Variants in GSX2 observed in about 807,000 individuals in gnomAD.
GSX2 encodes the protein GS homeobox 2.
In GSX2, 16 loss-of-function variants were observed where a neutral mutation model predicts 19.2. The observed-to-expected ratio is 0.84, with a 90% CI of 0.57 to 1.27. The LOEUF (loss-of-function observed/expected upper bound fraction) is 1.27. Ranked by LOEUF, GSX2 falls within the 50% of genes most tolerant of loss-of-function variation. GSX2 has a pLI of 0.00. For missense variants in GSX2, 448 were observed against 428.4 expected (o/e 1.05, Z -0.40); for synonymous variants, 217 against 196.4 (o/e 1.10, Z -0.88).
At position 54,100,765 on chromosome 4, in the gene GSX2, C is replaced by G. The variant is rs1269608937; in HGVS notation, c.421C>G (p.Pro141Ala). The part of the protein sequence containing the change: ...PPQHHHHHHQ[P>A]QQPGSAAAAA... The stretch of plus-strand genomic sequence containing the variant: ...GCAGCACCACCATCACCATCATCAG[C>G]CCCAGCAGCCTGGCTCGGCCGCGGC... The change falls in exon 1 of 2, where the codon CCC becomes GCC. Residue 141 changes from proline (P) to alanine (A), a missense_variant. Physicochemically the swap from Pro to Ala is conservative, Grantham distance 27. Transcript: ENST00000326902. The G allele has an allele frequency of 1.3e-6, 2 of 1,514,694 alleles. No individual in the cohort carries two copies. Among genetic ancestry groups the G allele is most frequent in the East Asian group, 2.7e-5 (1 of 36,456 alleles). 93.8% of individuals were successfully genotyped at this position (1,514,694 alleles called of 1,614,324 possible). A position where few individuals can be genotyped will look rare whatever the true frequency, so the allele number is the denominator to read the frequency against.
rs1387807279 is a variant in GSX2, at chr4:54,101,732, C to T, written c.725C>T (p.Ser242Leu). The T allele has an allele frequency of 6.2e-7, 1 of 1,614,188 alleles. No homozygotes were observed. The highest frequency in any genetic ancestry group is 2.2e-5 in the East Asian group (1 of 44,876). ...GAAATCGCCACTTACCTGAACCTGT[C>T]GGAGAAGCAGGTGAAAATCTGGTTT... The part of the protein sequence containing the change: ...RIEIATYLNL[S>L]EKQVKIWFQN... The change falls in exon 2 of 2, where the codon TCG becomes TTG. Residue 242 changes from serine (S) to leucine (L), a missense_variant. By Grantham distance (145) the Ser-to-Leu change is moderately radical (BLOSUM62 -2). Coordinates refer to ENST00000326902, the MANE Select transcript of GSX2 (RefSeq NM_133267.3). The surrounding 1 kb of genome is among the most constrained non-coding windows in gnomAD (Gnocchi z 5.0).
rs1718177879 is a variant in GSX2 at position 54,101,659 on chromosome 4, G to A, written c.652G>A (p.Glu218Lys). The A allele has an allele frequency of 1.2e-6, 2 of 1,613,894 alleles. No individual in the cohort carries two copies. Among genetic ancestry groups the A allele is most frequent in the African/African-American group, 1.3e-5 (1 of 75,034 alleles). Residue 218 changes from glutamate (E) to lysine (K), a missense_variant, in exon 2 of 2, where the codon GAG becomes AAG. Physicochemically the swap from Glu to Lys is moderately conservative, Grantham distance 56. Coordinates refer to ENST00000326902, the MANE Select transcript of GSX2 (RefSeq NM_133267.3). The surrounding 1 kb of genome is among the most constrained non-coding windows in gnomAD (Gnocchi z 5.0). ...CACTAGCACGCAACTCCTGGAGCTG[G>A]AGAGAGAATTCTCTTCCAACATGTA... ...AFTSTQLLEL[E>K]REFSSNMYLS...
Position 54,100,751 on chromosome 4 carries a change from A to C in GSX2, c.407A>C (p.His136Pro). The change falls in exon 1 of 2, where the codon CAT (histidine) becomes CCT (proline). Residue 136 changes from histidine to proline, a missense_variant. Coordinates refer to ENST00000326902, the MANE Select transcript of GSX2 (RefSeq NM_133267.3). ...CACCACCACCCGCCGCAGCACCACCATCACCATCATCAGCCCCAGCAGCCT... is the reference window on the plus strand; with the variant it reads ...CACCACCACCCGCCGCAGCACCACCCTCACCATCATCAGCCCCAGCAGCCT... ...HHHHHPPQHH[H>P]HHHQPQQPGS... The C allele has an allele frequency of 5.9e-6, 9 of 1,534,214 alleles. No homozygotes were observed. Among genetic ancestry groups the C allele is most frequent in the East Asian group, 2.6e-5 (1 of 38,950 alleles).
Position 54,102,149 on chromosome 4 carries a change from A to G in GSX2, c.*227A>G. On this transcript the variant is annotated 3_prime_UTR_variant, in exon 2 of 2. Transcript: ENST00000326902. ...AGTTACAGATTTTTTTAAAAAATGT[A>G]AATAACCTATAATTCAACTCATTCT... The G allele has an allele frequency of 1.8e-6, 1 of 547,562 alleles. No individual in the cohort carries two copies. Among genetic ancestry groups the G allele is most frequent in the Non-Finnish European group, 3.2e-6 (1 of 311,232 alleles). 33.9% of individuals were successfully genotyped at this position (547,562 alleles called of 1,614,324 possible). A position where few individuals can be genotyped will look rare whatever the true frequency, so the allele number is the denominator to read the frequency against.
In GSX2 at chr4:54,102,381, T is replaced by C. The variant is rs1181603317; in HGVS notation, c.*459T>C. On this transcript the variant is annotated 3_prime_UTR_variant, in exon 2 of 2. Transcript: ENST00000326902. ...ATTAGACCTTGTAGGTCTTGCTTTCTGAAATTTCGCCTGGGGAGAATTTAA... is the reference window on the plus strand; with the variant it reads ...ATTAGACCTTGTAGGTCTTGCTTTCCGAAATTTCGCCTGGGGAGAATTTAA... 2.0e-5 allele frequency: 3 copies of C among 152,690 alleles called. No individual in the cohort carries two copies. Among genetic ancestry groups the C allele is most frequent in the Non-Finnish European group, 4.4e-5 (3 of 68,408 alleles). The allele number at this position is 152,690 out of a possible 1,614,324, so 9.5% of individuals were successfully genotyped here. A position where few individuals can be genotyped will look rare whatever the true frequency, so the allele number is the denominator to read the frequency against.
chr4:54,100,960 C>T (rs1013782692), intron 1 of GSX2, 42 bp downstream of exon 1: 8 of 1,504,876 alleles, frequency 5.3e-6, no homozygotes, highest in East Asian at 2.5e-5. Context: ...GCGCCTTTCG[C>T]GCTCCTGGAG....
Position 54,101,187 on chromosome 4 carries a change from A to T in GSX2, c.574+269A>T, listed in dbSNP as rs181238037. Among the ~76,000 whole-genome samples the T allele has an allele frequency of 3.7e-4, 57 of 152,256 alleles. No homozygotes were observed. The highest frequency in any genetic ancestry group is 1.2e-3 in the African/African-American group (50 of 41,558). On this transcript the variant is annotated intron_variant, in intron 1 of 1. Coordinates refer to ENST00000326902, the MANE Select transcript of GSX2 (RefSeq NM_133267.3). The surrounding 1 kb of genome is among the most constrained non-coding windows in gnomAD (Gnocchi z 5.0). ...TGGGGCCTTAGGGACCTCGAACGTC[A>T]CGGCGGATAAACCAGAGGTTAACTG...
chr4:54,102,441 T>C lies in GSX2; in HGVS notation c.*519T>C, dbSNP rs1202131281. On this transcript the variant is annotated 3_prime_UTR_variant, in exon 2 of 2. Transcript: ENST00000326902. ...CGCTGGAAGTCCCTTTGTATGTGAA[T>C]AGGTTTATATAAAATTTATATTTAT... is the stretch of plus-strand genomic sequence containing the variant. The C allele has an allele frequency of 6.6e-6, 1 of 152,034 alleles. No individual in the cohort carries two copies. Among genetic ancestry groups the C allele is most frequent in the Non-Finnish European group, 1.5e-5 (1 of 68,014 alleles). The allele number at this position is 152,034 out of a possible 1,614,324, so 9.4% of individuals were successfully genotyped here. A position where few individuals can be genotyped will look rare whatever the true frequency, so the allele number is the denominator to read the frequency against.
Position 54,100,340 on chromosome 4 carries a change from T to C in GSX2, c.-5T>C, listed in dbSNP as rs1264555527. On this transcript the variant is annotated 5_prime_UTR_variant, in exon 1 of 2. Transcript: ENST00000326902. ...CGGGGCTTCCAGCCACCCACCCCTC[T>C]CGACATGTCGCGCTCCTTCTATGTC... is the stretch of plus-strand genomic sequence containing the variant. The C allele has an allele frequency of 2.5e-6, 4 of 1,612,726 alleles. No homozygotes were observed. The highest frequency in any genetic ancestry group is 1.7e-5 in the Admixed American group (1 of 59,978).
chr4:54,101,661 G>A lies in GSX2; in HGVS notation c.654G>A (p.Glu218=). The A allele has an allele frequency of 1.1e-5, 18 of 1,614,110 alleles. No individual in the cohort carries two copies. Among genetic ancestry groups the A allele is most frequent in the Non-Finnish European group, 1.4e-5 (17 of 1,179,934 alleles). ...AFTSTQLLEL[E]REFSSNMYLS... The stretch of plus-strand genomic sequence containing the variant: ...CTAGCACGCAACTCCTGGAGCTGGA[G>A]AGAGAATTCTCTTCCAACATGTACC... The change falls in exon 2 of 2, where the codon GAG becomes GAA. Residue 218 remains glutamate, a synonymous_variant. Coordinates refer to ENST00000326902, the MANE Select transcript of GSX2 (RefSeq NM_133267.3). This position sits in a 1 kb window ranked among gnomAD's most constrained non-coding sequence, Gnocchi z 5.0.
chr4:54,101,967 C>T lies in GSX2; in HGVS notation c.*45C>T. On this transcript the variant is annotated 3_prime_UTR_variant, in exon 2 of 2. Coordinates refer to ENST00000326902, the MANE Select transcript of GSX2 (RefSeq NM_133267.3). The surrounding 1 kb of genome is among the most constrained non-coding windows in gnomAD (Gnocchi z 5.0). ...CATCCCCCGCTCCTGGCAGACCAGGCAACGCCAAGGCGTGGGGCACCCAGG... is the reference window on the plus strand; with the variant it reads ...CATCCCCCGCTCCTGGCAGACCAGGTAACGCCAAGGCGTGGGGCACCCAGG... The T allele has an allele frequency of 3.4e-6, 5 of 1,468,022 alleles. No individual in the cohort carries two copies. The highest frequency in any genetic ancestry group is 3.7e-6 in the Non-Finnish European group (4 of 1,091,004). 90.9% of individuals were successfully genotyped at this position (1,468,022 alleles called of 1,614,324 possible).
At position 54,101,009 on chromosome 4, in the gene GSX2, G is replaced by A. The variant is rs1175924619; in HGVS notation, c.574+91G>A. 1.8e-6 allele frequency: 2 copies of A among 1,138,774 alleles called. No individual in the cohort carries two copies. The highest frequency in any genetic ancestry group is 2.4e-6 in the Non-Finnish European group (2 of 824,046). The allele number at this position is 1,138,774 out of a possible 1,614,324, so 70.5% of individuals were successfully genotyped here. A position where few individuals can be genotyped will look rare whatever the true frequency, so the allele number is the denominator to read the frequency against. ...TCCAGTGGAGGAAGTGGGAGCCCGG[G>A]GACAGGGTGAAGAGAGAGGACGGGC... is the stretch of plus-strand genomic sequence containing the variant. On this transcript the variant is annotated intron_variant, in intron 1 of 1. Coordinates refer to ENST00000326902, the MANE Select transcript of GSX2 (RefSeq NM_133267.3). The surrounding 1 kb of genome is among the most constrained non-coding windows in gnomAD (Gnocchi z 5.0).
In GSX2 at chr4:54,101,993, G is replaced by A; in HGVS notation, c.*71G>A. The stretch of plus-strand genomic sequence containing the variant: ...AACGCCAAGGCGTGGGGCACCCAGG[G>A]GCCAGAATCCTTGCTCATTGCAGTG... On this transcript the variant is annotated 3_prime_UTR_variant, in exon 2 of 2. Coordinates refer to ENST00000326902, the MANE Select transcript of GSX2 (RefSeq NM_133267.3). This position sits in a 1 kb window ranked among gnomAD's most constrained non-coding sequence, Gnocchi z 5.0. 1 of 1,304,356 alleles carries A rather than the reference G, an allele frequency of 7.7e-7. No individual in the cohort carries two copies. Among genetic ancestry groups the A allele is most frequent in the African/African-American group, 1.5e-5 (1 of 67,148 alleles). 80.8% of individuals were successfully genotyped at this position (1,304,356 alleles called of 1,614,324 possible). A position where few individuals can be genotyped will look rare whatever the true frequency, so the allele number is the denominator to read the frequency against.
chr4:54,100,909 C>T lies in GSX2; in HGVS notation c.565C>T (p.Leu189Phe), dbSNP rs550634793. The T allele has an allele frequency of 5.7e-6, 9 of 1,565,912 alleles. No individual in the cohort carries two copies. The highest frequency in any genetic ancestry group is 4.6e-5 in the South Asian group (4 of 86,896). The change falls in exon 1 of 2, where the codon CTC becomes TTC. Residue 189 changes from leucine (L) to phenylalanine (F), a missense_variant. Physicochemically the swap from Leu to Phe is conservative, Grantham distance 22. Transcript: ENST00000326902. ...NVADPRRFHC[L>F]TMGGSDASQV... ...GGCGGACCCGCGGAGATTCCACTGC[C>T]TCACCATGGGTAGGGCGGGGTCTTG... is the stretch of plus-strand genomic sequence containing the variant.
At position 54,100,718 on chromosome 4, in the gene GSX2, C is replaced by A. The variant is rs1342141283; in HGVS notation, c.374C>A (p.Ala125Glu). The change falls in exon 1 of 2, where the codon GCG (alanine) becomes GAG (glutamate). Residue 125 changes from alanine (A) to glutamate (E), a missense_variant. Physicochemically the swap from Ala to Glu is moderately radical, Grantham distance 107 (BLOSUM62 -1). Transcript: ENST00000326902. ...DAQFCPRVNH[A>E]HHHHHPPQHH... ...CAGTTTTGCCCGCGGGTGAACCATG[C>A]GCATCATCACCACCACCCGCCGCAG... The A allele has an allele frequency of 7.1e-6, 11 of 1,548,332 alleles. No homozygotes were observed. The highest frequency in any genetic ancestry group is 1.2e-5 in the South Asian group (1 of 84,000).
Position 54,100,987 on chromosome 4 carries a change from A to C in GSX2, c.574+69A>C, listed in dbSNP as rs929238744. On this transcript the variant is annotated intron_variant, in intron 1 of 1. Transcript: ENST00000326902. ...CTCCTGGAGCAAACTTTCCACCTCCAGTGGAGGAAGTGGGAGCCCGGGGAC... is the reference window on the plus strand; with the variant it reads ...CTCCTGGAGCAAACTTTCCACCTCCCGTGGAGGAAGTGGGAGCCCGGGGAC... 54 of 1,323,678 alleles carry C rather than the reference A, an allele frequency of 4.1e-5. No homozygotes were observed. The East Asian group carries it at 1.4e-3, about 34-fold the overall frequency. 82.0% of individuals were successfully genotyped at this position (1,323,678 alleles called of 1,614,324 possible). A position where few individuals can be genotyped will look rare whatever the true frequency, so the allele number is the denominator to read the frequency against.
Position 54,100,479 on chromosome 4 carries a change from G to A in GSX2, c.135G>A (p.Val45=). The A allele has an allele frequency of 1.2e-6, 2 of 1,613,778 alleles. No homozygotes were observed. The highest frequency in any genetic ancestry group is 1.7e-6 in the Non-Finnish European group (2 of 1,179,940). Residue 45 remains valine, a synonymous_variant, in exon 1 of 2, where the codon GTG becomes GTA. Coordinates refer to ENST00000326902, the MANE Select transcript of GSX2 (RefSeq NM_133267.3). ...LGMPPPLVMS[V]SGPGCPSRKS... ...TGCCGCCCCCATTGGTGATGTCCGT[G>A]TCCGGCCCCGGCTGCCCGTCCCGCA...
At position 54,101,557 on chromosome 4, in the gene GSX2, C is replaced by T. The variant is rs1295607068; in HGVS notation, c.575-25C>T. 6.4e-7 allele frequency: 1 copy of T among 1,554,634 alleles called. No homozygotes were observed. On this transcript the variant is annotated intron_variant, in intron 1 of 1. Transcript: ENST00000326902. The surrounding 1 kb of genome is among the most constrained non-coding windows in gnomAD (Gnocchi z 5.0). ...AGCACCTTGCCCGAGCCTTACCTCT[C>T]TACCCTCTCTTCGCCGGTCCGCAGG...
Position 54,100,568 on chromosome 4 carries a change from C to T in GSX2, c.224C>T (p.Ser75Phe). 6.3e-7 allele frequency: 1 copy of T among 1,591,136 alleles called. No individual in the cohort carries two copies. Among genetic ancestry groups the T allele is most frequent in the Non-Finnish European group, 8.5e-7 (1 of 1,170,404 alleles). Residue 75 changes from serine (S) to phenylalanine (F), a missense_variant, in exon 1 of 2, where the codon TCT becomes TTT. Coordinates refer to ENST00000326902, the MANE Select transcript of GSX2 (RefSeq NM_133267.3). ...VTSHLHSSRG[S>F]VGAGSGGAGA... ...TCGCACCTGCACTCCTCTCGGGGGTCTGTGGGCGCCGGCAGCGGGGGCGCA... is the reference window on the plus strand; with the variant it reads ...TCGCACCTGCACTCCTCTCGGGGGTTTGTGGGCGCCGGCAGCGGGGGCGCA...
Sources: gnomAD v4.1 joint callset for allele counts (sites outside exome capture counted in the v4.1 genomes callset) on GRCh38, gnomAD v4.1.1 for gene constraint, Gnocchi (gnomAD v3.1) non-coding constraint, MANE v1.5 for transcripts, NCBI Gene and HGNC (gene_info 2026-07-23, HGNC 2026-07-21) for gene names.